Variants in LONRF2 observed in about 807,000 individuals in gnomAD.
LONRF2 encodes LON peptidase N-terminal domain and ring finger 2.
LONRF2 carries 35 observed loss-of-function variants against 66.6 expected under a neutral mutation model. The ratio of observed to expected loss-of-function variants is 0.53; its 90% CI spans 0.40 to 0.70. The LOEUF (loss-of-function observed/expected upper bound fraction) is 0.70. Among genes scored for constraint, LONRF2 ranks in the 30% least tolerant of loss-of-function variants. The pLI, the probability that LONRF2 is intolerant of heterozygous loss-of-function variation, is 0.00. For missense variants in LONRF2, 902 were observed against 1,002.1 expected, an observed-to-expected ratio of 0.90 and a Z score of 1.35; for synonymous variants, 417 against 418.1, an observed-to-expected ratio of 1.00 and a Z score of 0.03.
At chr2:100,317,826 A>G (rs1675537797) in intron 1 of LONRF2, among the ~76,000 whole-genome samples, 1 of 152,134 alleles carries the variant, frequency 6.6e-6, no homozygotes, top group South Asian at 2.1e-4. Flanking sequence ...TCAGTCTTCT[A>G]TGATTCCTTC....
chr2:100,299,583 A>C, intron 5 of LONRF2, 134 bp downstream of exon 5: 1 of 716,914 alleles, frequency 1.4e-6, no homozygotes, highest in Non-Finnish European at 2.2e-6. Flanking sequence ...AAAATGCTCT[A>C]TAATCTTAGA....
At chr2:100,285,865 C>T (rs898631923) in intron 11 of LONRF2, among the ~76,000 whole-genome samples, 1 of 152,152 alleles carries the variant, frequency 6.6e-6, no homozygotes, top group Non-Finnish European at 1.5e-5. Flanking sequence ...TTTAAGCCAC[C>T]ACGTTCGTGA....
In LONRF2 at chr2:100,284,373, T is replaced by C. The variant is rs945784605; in HGVS notation, c.2190A>G (p.Arg730=). The change falls in exon 12 of 12, where the codon CGA becomes CGG. Residue 730 remains arginine (R), a synonymous_variant. Transcript: ENST00000393437. ...TACGCGTGATGATGACTAATATCCG[T>C]CGGATGGCAAGGAGCCGCTCTTTGA... ...TSLKERLLAI[R]RILVIITRKM... The C allele has an allele frequency of 1.6e-5, 26 of 1,597,822 alleles. No homozygotes were observed. Among genetic ancestry groups the C allele is most frequent in the Non-Finnish European group, 2.0e-5 (24 of 1,171,912 alleles).
chr2:100,300,784 T>C lies in LONRF2; in HGVS notation c.925A>G (p.Met309Val). Residue 309 changes from methionine (M) to valine (V), a missense_variant, in exon 4 of 12, where the codon ATG (methionine) becomes GTG (valine). Met to Val is a conservative substitution (Grantham distance 21, BLOSUM62 1). Transcript: ENST00000393437. ...GTAGCTGAAAACAGCACTTCACACA[T>C]TACCTATAAAATTGCCAAGAAAAGA... Reference protein sequence around the residue: ...NSVKKEAQKVMCEVLFSATAN... With the variant: ...NSVKKEAQKVVCEVLFSATAN... 6.3e-7 allele frequency: 1 copy of C among 1,586,724 alleles called. No individual in the cohort carries two copies. The highest frequency in any genetic ancestry group is 1.2e-5 in the South Asian group (1 of 84,860).
Position 100,277,571 on chromosome 2 carries a change from A to G in LONRF2, c.*6727T>C, listed in dbSNP as rs1674625266. 1 of 152,182 alleles carries G rather than the reference A, an allele frequency of 6.6e-6. No homozygotes were observed. 9.4% of individuals were successfully genotyped at this position (152,182 alleles called of 1,614,324 possible). On this transcript the variant is annotated 3_prime_UTR_variant, in exon 12 of 12. Coordinates refer to ENST00000393437, the MANE Select transcript of LONRF2 (RefSeq NM_198461.4). ...TGGTGTCCCTTAGATTAACTGAGTGAACAGCAGTGGGAGTTCACAGAGGGT... is the reference window on the plus strand; with the variant it reads ...TGGTGTCCCTTAGATTAACTGAGTGGACAGCAGTGGGAGTTCACAGAGGGT...
intron 3 of LONRF2, among the ~76,000 whole-genome samples, chr2:100,302,599 T>C (rs1008418519): frequency 3.9e-5 from 6 of 152,234 alleles, no homozygotes; most frequent in African/African-American, 1.4e-4. Context: ...TGATACATTT[T>C]ACATATATCA....
intron 4 of LONRF2, 143 bp from the exon 5 acceptor site, chr2:100,300,061 TAATTTCTA>T: frequency 3.3e-6 from 2 of 603,238 alleles, no homozygotes; most frequent in Admixed American, 6.2e-5. Context: ...TTTCATCTGT[TAATTTCTA>T]AGATGAGCTT....
rs111582072 is a variant in LONRF2 at position 100,313,269 on chromosome 2, C to T, written c.680-4044G>A. On this transcript the variant is annotated intron_variant, in intron 1 of 11. Transcript: ENST00000393437. ...CAACACTTTGGGAGGCCGAGGTGGG[C>T]GGATCACTTGAGGTCAGAAGTTTGA... 6.3e-3 allele frequency among the ~76,000 whole-genome samples: 952 copies of T among 152,214 alleles called. 14 individuals are homozygous for T. The highest frequency in any genetic ancestry group is 0.047 in the East Asian group (243 of 5,172).
chr2:100,290,317 T>C lies in LONRF2; in HGVS notation c.1861A>G (p.Ser621Gly). 1 of 1,614,178 alleles carries C rather than the reference T, an allele frequency of 6.2e-7. No homozygotes were observed. Among genetic ancestry groups the C allele is most frequent in the Non-Finnish European group, 8.5e-7 (1 of 1,180,036 alleles). ...AIGISRFRVL[S>G]HRHRDGYNTA... ...TTATAGCCATCTCTGTGGCGGTGGC[T>C]TAGCACTCGGAACCGACTGATGCCA... is the stretch of plus-strand genomic sequence containing the variant. The change falls in exon 10 of 12, where the codon AGC becomes GGC. Residue 621 changes from serine (S) to glycine (G), a missense_variant. Transcript: ENST00000393437.
intron 3 of LONRF2, among the ~76,000 whole-genome samples, chr2:100,301,442 C>T (rs1254531677): frequency 6.6e-6 from 1 of 152,220 alleles, no homozygotes; most frequent in African/African-American, 2.4e-5. Flanking sequence ...AACAAAGACT[C>T]CTCCCACTCT....
At chr2:100,296,697 G>A (rs1420967190) in intron 7 of LONRF2, among the ~76,000 whole-genome samples, 1 of 152,170 alleles carries the variant, frequency 6.6e-6, no homozygotes, top group African/African-American at 2.4e-5. Flanking sequence ...TAGAGAAACA[G>A]GCTATCATCT....
At chr2:100,311,808 A>G (rs188166716) in intron 1 of LONRF2, among the ~76,000 whole-genome samples, 2 of 152,304 alleles carry the variant, frequency 1.3e-5, no homozygotes, top group South Asian at 2.1e-4. Context: ...GAGATTACAT[A>G]TAGTTATCTC....
chr2:100,317,396 T>C (rs939504454), intron 1 of LONRF2, among the ~76,000 whole-genome samples: 2 of 152,194 alleles, frequency 1.3e-5, no homozygotes, highest in African/African-American at 2.4e-5. Context: ...TCCAAAACAG[T>C]GTACAAACCA....
At chr2:100,319,310 A>C (rs147069595) in intron 1 of LONRF2, among the ~76,000 whole-genome samples, 451 of 152,330 alleles carry the variant, frequency 3.0e-3, no homozygotes, top group African/African-American at 0.01. Flanking sequence ...ATAAGTTCTC[A>C]TATGAATTTA....
At position 100,289,514 on chromosome 2, in the gene LONRF2, C is replaced by A. The variant is rs577107785; in HGVS notation, c.1920+744G>T. ...GCAGTGGCACGATCTCAGCTCACTG[C>A]AACCTTCAGCTCCCAGGTTCAAGCA... is the stretch of plus-strand genomic sequence containing the variant. On this transcript the variant is annotated intron_variant, in intron 10 of 11. Coordinates refer to ENST00000393437, the MANE Select transcript of LONRF2 (RefSeq NM_198461.4). Among the ~76,000 whole-genome samples, 48 of 140,086 alleles carry A rather than the reference C, an allele frequency of 3.4e-4. 1 individual carries two copies. The South Asian group carries it at 0.011, about 31-fold the overall frequency. 91.9% of individuals were successfully genotyped at this position (140,086 alleles called of 152,430 possible).
intron 7 of LONRF2, among the ~76,000 whole-genome samples, chr2:100,298,350 A>G (rs1388120995): frequency 6.6e-6 from 1 of 152,236 alleles, no homozygotes; most frequent in Non-Finnish European, 1.5e-5. Flanking sequence ...GGGGCTAAAT[A>G]TCATTAAATA....
At chr2:100,298,537 T>C (rs1675116430) in intron 7 of LONRF2, among the ~76,000 whole-genome samples, 1 of 152,230 alleles carries the variant, frequency 6.6e-6, no homozygotes, top group Non-Finnish European at 1.5e-5. Flanking sequence ...AAGTGCACCA[T>C]GACAACGTCT....
intron 2 of LONRF2, among the ~76,000 whole-genome samples, chr2:100,304,596 G>C (rs901915939): frequency 6.7e-5 from 10 of 149,774 alleles, no homozygotes; most frequent in Non-Finnish European, 4.4e-5. Context: ...ATAATATCTG[G>C]GCCCACTCAG....
At chr2:100,314,602 T>C (rs755760400) in intron 1 of LONRF2, among the ~76,000 whole-genome samples, 26 of 152,220 alleles carry the variant, frequency 1.7e-4, no homozygotes, top group Non-Finnish European at 3.2e-4. Context: ...TTTATTGTTA[T>C]GCTTTTTGTG....
Sources: gnomAD v4.1 joint callset for allele counts (sites outside exome capture counted in the v4.1 genomes callset) on GRCh38, gnomAD v4.1.1 for gene constraint, MANE v1.5 for transcripts, NCBI Gene and HGNC (gene_info 2026-07-23, HGNC 2026-07-21) for gene names.